The following RPUSD4 variants were observed in gnomAD, a reference collection of about 807,000 sequenced individuals.
RPUSD4 encodes the protein pseudouridylate synthase RPUSD4, mitochondrial.
RPUSD4 carries 37 observed loss-of-function variants against 35.4 expected under a neutral mutation model. The observed-to-expected ratio is 1.04, with a 90% confidence interval of 0.80 to 1.37. The LOEUF is 1.37. RPUSD4 is among the 40% of genes most tolerant of loss of function. The pLI is 0.00. For missense variants in RPUSD4, 507 were observed against 484.9 expected (o/e 1.05, Z -0.43); for synonymous variants, 210 against 192.7 (o/e 1.09, Z -0.74).
chr11:126,203,540 C>G lies in RPUSD4; in HGVS notation c.1012G>C (p.Glu338Gln), dbSNP rs1199248786. 11 of 1,614,202 alleles carry G rather than the reference C, an allele frequency of 6.8e-6. No homozygotes were observed. Among genetic ancestry groups the G allele is most frequent in the Middle Eastern group, 3.3e-4 (2 of 6,062 alleles). The change falls in exon 7 of 7, where the codon GAA (glutamate) becomes CAA (glutamine). Residue 338 changes from glutamate (E) to glutamine (Q), a missense_variant. Transcript: ENST00000298317. ...GGAAGTTTGCAGACCAAGTTGAGTT[C>G]CTCCTTCCCGGACCCCAGGGCAGGC... Reference protein sequence around the residue: ...ILPALGSGKEELNLVCKLPRF... With the variant: ...ILPALGSGKEQLNLVCKLPRF...
At chr11:126,205,901 A>G in intron 3 of RPUSD4, 120 bp from the exon 4 acceptor site, 1 of 705,426 alleles carries the variant, frequency 1.4e-6, no homozygotes, top group Non-Finnish European at 2.3e-6. Context: ...TTATGATTGA[A>G]GGATCGTGCA....
rs963509040 is a variant in RPUSD4, at chr11:126,202,244, T to C, written c.*1174A>G. 4.6e-5 allele frequency: 7 copies of C among 152,104 alleles called. No homozygotes were observed. Among genetic ancestry groups the C allele is most frequent in the Non-Finnish European group, 7.4e-5 (5 of 68,016 alleles). 9.4% of individuals were successfully genotyped at this position (152,104 alleles called of 1,614,324 possible). ...TAACTGTGCTGTCACTCCAACTCTG[T>C]CAGAAAGAAAAAGTAGTGTGAGGTG... On this transcript the variant is annotated 3_prime_UTR_variant, in exon 7 of 7. Transcript: ENST00000298317.
intron 1 of RPUSD4, 190 bp from the exon 2 acceptor site, chr11:126,211,245 G>A (rs767241225): frequency 4.5e-6 from 4 of 894,976 alleles, no homozygotes; most frequent in Admixed American, 2.5e-5. Context: ...GGTTAGGACT[G>A]AGCCTGACAG....
At chr11:126,205,810 C>A in intron 3 of RPUSD4, 29 bp from the exon 4 acceptor site, 4 of 1,526,912 alleles carry the variant, frequency 2.6e-6, no homozygotes, top group Non-Finnish European at 3.5e-6. Context: ...ACTGCTTTAG[C>A]CAACCAAGCC....
intron 5 of RPUSD4, among the ~76,000 whole-genome samples, chr11:126,204,638 G>A (rs542949477): frequency 6.6e-6 from 1 of 152,244 alleles, no homozygotes; most frequent in African/African-American, 2.4e-5. Context: ...TACTACATAA[G>A]TAGTATTGAT....
chr11:126,209,730 G>C lies in RPUSD4; in HGVS notation c.356-8C>G, dbSNP rs1156761940. On this transcript the variant is annotated splice_polypyrimidine_tract_variant and splice_region_variant and intron_variant, in intron 2 of 6. Transcript: ENST00000298317. ...GCTGGACCCCAGGGCCACCTAAGAA[G>C]GAAAAAGCCAAAGGTTTGAGCGGCC... 6.2e-7 allele frequency: 1 copy of C among 1,610,116 alleles called. No individual in the cohort carries two copies. Among genetic ancestry groups the C allele is most frequent in the Admixed American group, 1.7e-5 (1 of 59,588 alleles).
At chr11:126,204,152 A>C in intron 6 of RPUSD4, 79 bp downstream of exon 6, 3 of 967,984 alleles carry the variant, frequency 3.1e-6, no homozygotes, top group Non-Finnish European at 4.9e-6. Flanking sequence ...CTTTGTTGTA[A>C]CTCATTTCAG....
intron 2 of RPUSD4, among the ~76,000 whole-genome samples, chr11:126,210,334 A>G (rs1157634699): frequency 1.3e-5 from 2 of 152,224 alleles, no homozygotes; most frequent in Non-Finnish European, 2.9e-5. Context: ...CTCCCCAAAA[A>G]GCATTACCTT....
chr11:126,205,863 T>C, intron 3 of RPUSD4, 82 bp from the exon 4 acceptor site: 2 of 1,016,634 alleles, frequency 2.0e-6, no homozygotes, highest in East Asian at 2.6e-5. Flanking sequence ...GATTTCACGC[T>C]GGACCTTCTG....
intron 3 of RPUSD4, chr11:126,208,836 G>A (rs976681217): frequency 1.3e-5 from 2 of 152,160 alleles, no homozygotes; most frequent in African/African-American, 4.8e-5. Context: ...GTAAGAACCA[G>A]AGGAAAAAAA....
At position 126,205,718 on chromosome 11, in the gene RPUSD4, C is replaced by T. The variant is rs1184999011; in HGVS notation, c.621G>A (p.Lys207=). ...AGVVDIPIVE[K]EAQGQQQHHK... is the part of the protein sequence containing the mutation. ...GGTGTTGCTGCTGGCCTTGCGCCTCCTTCTCCACAATGGGGATGTCCACGA... is the reference window on the plus strand; with the variant it reads ...GGTGTTGCTGCTGGCCTTGCGCCTCTTTCTCCACAATGGGGATGTCCACGA... Residue 207 remains lysine (K), a synonymous_variant, in exon 4 of 7, where the codon AAG becomes AAA. Coordinates refer to ENST00000298317, the MANE Select transcript of RPUSD4 (RefSeq NM_032795.3). The T allele has an allele frequency of 6.2e-7, 1 of 1,613,534 alleles. No homozygotes were observed. The highest frequency in any genetic ancestry group is 8.5e-7 in the Non-Finnish European group (1 of 1,179,612).
At chr11:126,204,955 C>G (rs144343420) in intron 5 of RPUSD4, among the ~76,000 whole-genome samples, 4 of 152,220 alleles carry the variant, frequency 2.6e-5, no homozygotes, top group African/African-American at 9.6e-5. Context: ...TAATATTTGC[C>G]CTTTTGTGCC....
chr11:126,209,005 C>G (rs1949808714), intron 3 of RPUSD4: 1 of 151,308 alleles, frequency 6.6e-6, no homozygotes, highest in Non-Finnish European at 1.5e-5. Flanking sequence ...ATTTTTTTTT[C>G]TTTAGAGACA....
chr11:126,211,036 T>C lies in RPUSD4; in HGVS notation c.209A>G (p.Gln70Arg). The C allele has an allele frequency of 6.2e-7, 1 of 1,613,828 alleles. No homozygotes were observed. The highest frequency in any genetic ancestry group is 8.5e-7 in the Non-Finnish European group (1 of 1,180,016). The change falls in exon 2 of 7, where the codon CAG becomes CGG. Residue 70 changes from glutamine (Q) to arginine (R), a missense_variant. Physicochemically the swap from Gln to Arg is conservative, Grantham distance 43 (BLOSUM62 1). Transcript: ENST00000298317. Reference protein sequence around the residue: ...KKEPVSTNAVQRRVQEIVRFT... With the variant: ...KKEPVSTNAVRRRVQEIVRFT... ...CCGCACTATTTCTTGCACTCTCCGC[T>C]GAACAGCGTTTGTGGACACCTAGGG...
rs765042417 is a variant in RPUSD4 at position 126,210,866 on chromosome 11, C to T, written c.355+24G>A. The T allele has an allele frequency of 1.6e-5, 25 of 1,602,868 alleles. No individual in the cohort carries two copies. The Admixed American group carries it at 3.7e-4, about 24-fold the overall frequency. On this transcript the variant is annotated intron_variant, in intron 2 of 6. Coordinates refer to ENST00000298317, the MANE Select transcript of RPUSD4 (RefSeq NM_032795.3). ...TAGCAGAAAGCAGCTGCAGGTTCCT[C>T]CACCTTTCCCGCGTGGTCCTTACCA...
At position 126,210,978 on chromosome 11, in the gene RPUSD4, G is replaced by C; in HGVS notation, c.267C>G (p.Asn89Lys). 1 of 1,614,126 alleles carries C rather than the reference G, an allele frequency of 6.2e-7. No individual in the cohort carries two copies. The highest frequency in any genetic ancestry group is 8.5e-7 in the Non-Finnish European group (1 of 1,180,028). ...CTCGGGTCAGTGCCTTAGCAAGCAC[G>C]TTGGGGTGGACTCGCTGCAGCTGCC... The part of the protein sequence containing the change: ...FTRQLQRVHP[N>K]VLAKALTRGI... The change falls in exon 2 of 7, where the codon AAC (asparagine) becomes AAG (lysine). Residue 89 changes from asparagine (N) to lysine (K), a missense_variant. Asn to Lys is a moderately conservative substitution (Grantham distance 94, BLOSUM62 0). Coordinates refer to ENST00000298317, the MANE Select transcript of RPUSD4 (RefSeq NM_032795.3).
Position 126,203,528 on chromosome 11 carries a change from C to T in RPUSD4, c.1024G>A (p.Val342Ile), listed in dbSNP as rs1258792041. 1 of 1,614,186 alleles carries T rather than the reference C, an allele frequency of 6.2e-7. No homozygotes were observed. ...LGSGKEELNL[V>I]CKLPRFFVHS... ...ACAAAGAAGCGAGGAAGTTTGCAGA[C>T]CAAGTTGAGTTCCTCCTTCCCGGAC... Residue 342 changes from valine to isoleucine, a missense_variant, in exon 7 of 7, where the codon GTC becomes ATC. Physicochemically the swap from Val to Ile is conservative, Grantham distance 29. Coordinates refer to ENST00000298317, the MANE Select transcript of RPUSD4 (RefSeq NM_032795.3).
chr11:126,211,646 G>A lies in RPUSD4; in HGVS notation c.-8C>T. On this transcript the variant is annotated 5_prime_UTR_variant, in exon 1 of 7. Coordinates refer to ENST00000298317, the MANE Select transcript of RPUSD4 (RefSeq NM_032795.3). ...CCACCTGGGCGCCGCCATCTTACAAGGAAGGGCGGGGCGAGCCAAGACCAC... is the reference window on the plus strand; with the variant it reads ...CCACCTGGGCGCCGCCATCTTACAAAGAAGGGCGGGGCGAGCCAAGACCAC... 3 of 1,610,534 alleles carry A rather than the reference G, an allele frequency of 1.9e-6. No individual in the cohort carries two copies. Among genetic ancestry groups the A allele is most frequent in the Non-Finnish European group, 2.5e-6 (3 of 1,179,072 alleles).
chr11:126,204,978 C>T (rs1025133660), intron 5 of RPUSD4, among the ~76,000 whole-genome samples: 1 of 152,092 alleles, frequency 6.6e-6, no homozygotes, highest in Admixed American at 6.5e-5. Context: ...GCTTATTTTA[C>T]TTAGCATAAT....
Sources: gnomAD v4.1 joint callset for allele counts (sites outside exome capture counted in the v4.1 genomes callset) on GRCh38, gnomAD v4.1.1 for gene constraint, MANE v1.5 for transcripts, NCBI Gene and HGNC (gene_info 2026-07-23, HGNC 2026-07-21) for gene names.